IPO11: variants seen among roughly 807,000 people sequenced by gnomAD.
IPO11 encodes the protein importin 11, also known as importin-11.
In IPO11, 66 loss-of-function variants were observed where a neutral mutation model predicts 143.2. The observed-to-expected ratio is 0.46, with a 90% CI of 0.38 to 0.57. IPO11 has a LOEUF of 0.57. Among genes scored for constraint, IPO11 ranks in the 20% least tolerant of loss-of-function variants. IPO11 has a pLI of 0.00. For synonymous variants in IPO11, 385 were observed against 377.8 expected (o/e 1.02, Z -0.22); for missense variants, 1,026 against 1,141.0 (o/e 0.90, Z 1.45).
chr5:62,595,515 G>T (rs889699040), intron 28 of IPO11, among the ~76,000 whole-genome samples: 1 of 152,016 alleles, frequency 6.6e-6, no homozygotes, highest in South Asian at 2.1e-4. Flanking sequence ...ACAACATTCT[G>T]TGTGGAAAAA....
intron 1 of IPO11, among the ~76,000 whole-genome samples, 156 bp downstream of exon 1, chr5:62,413,085 A>G (rs978181629): frequency 6.6e-5 from 10 of 152,154 alleles, no homozygotes; most frequent in African/African-American, 2.4e-4. Context: ...CTGTTTGCGC[A>G]ACCTTAGGAA....
chr5:62,505,871 A>G (rs1316234085), intron 18 of IPO11, among the ~76,000 whole-genome samples: 1 of 152,076 alleles, frequency 6.6e-6, no homozygotes. Context: ...GCAAAACAAA[A>G]CATTTCGTGA....
chr5:62,438,475 G>A (rs1300021244), intron 2 of IPO11, among the ~76,000 whole-genome samples: 3 of 152,098 alleles, frequency 2.0e-5, no homozygotes, highest in Admixed American at 6.6e-5. Flanking sequence ...GAGTAGGGCC[G>A]GGTGCAGTGG....
chr5:62,499,230 C>T (rs1314216549), intron 16 of IPO11, among the ~76,000 whole-genome samples: 1 of 152,130 alleles, frequency 6.6e-6, no homozygotes, highest in Non-Finnish European at 1.5e-5. Flanking sequence ...GCTATCTCGG[C>T]TGTGGGTACA....
At chr5:62,515,675 T>C (rs1192235422) in intron 20 of IPO11, among the ~76,000 whole-genome samples, 174 bp downstream of exon 20, 2 of 152,218 alleles carry the variant, frequency 1.3e-5, no homozygotes, top group Non-Finnish European at 2.9e-5. Context: ...TTTTGCATGC[T>C]TATTTTGGAC....
At chr5:62,526,573 G>GT (rs1742376256) in intron 21 of IPO11, 2 of 231,086 alleles carry the variant, frequency 8.7e-6, no homozygotes, top group Admixed American at 5.2e-5. Context: ...TAAATGAGAT[G>GT]TTTGGGGGAT....
At chr5:62,421,668 G>A (rs2112097419) in intron 1 of IPO11, among the ~76,000 whole-genome samples, 1 of 152,248 alleles carries the variant, frequency 6.6e-6, no homozygotes, top group East Asian at 1.9e-4. Flanking sequence ...GAACTGATAT[G>A]GGTGGCTCCA....
intron 1 of IPO11, among the ~76,000 whole-genome samples, chr5:62,428,812 A>G (rs1743857691): frequency 6.6e-6 from 1 of 152,026 alleles, no homozygotes; most frequent in Admixed American, 6.6e-5. Context: ...GGTGTGTGCC[A>G]CTACTCCTGG....
intron 16 of IPO11, among the ~76,000 whole-genome samples, chr5:62,499,634 G>C (rs571458130): frequency 6.9e-5 from 10 of 144,112 alleles, no homozygotes. Context: ...GGAGTGCAGA[G>C]GCGCAATCTC....
chr5:62,447,396 GC>G (rs1744756819), intron 3 of IPO11, among the ~76,000 whole-genome samples: 2 of 152,100 alleles, frequency 1.3e-5, no homozygotes, highest in Non-Finnish European at 2.9e-5. Context: ...GTGAGCCAGT[GC>G]CCCCAGCCTA....
chr5:62,580,728 AATGATG>A, intron 27 of IPO11: 1 of 1,551,438 alleles, frequency 6.4e-7, no homozygotes, highest in Non-Finnish European at 8.7e-7. Context: ...CTACTGCGCT[AATGATG>A]GCCTGGCATA....
intron 27 of IPO11, among the ~76,000 whole-genome samples, chr5:62,586,717 C>T (rs1744785350): frequency 7.3e-6 from 1 of 137,686 alleles, no homozygotes; most frequent in African/African-American, 2.8e-5. Flanking sequence ...CGCCATTGCA[C>T]CCCAGCCTGG....
intron 20 of IPO11, among the ~76,000 whole-genome samples, chr5:62,521,942 A>G (rs1742215639): frequency 6.6e-6 from 1 of 152,124 alleles, no homozygotes; most frequent in Non-Finnish European, 1.5e-5. Flanking sequence ...TTTAATTACC[A>G]AAGATATTAA....
At chr5:62,483,381 AT>A in intron 10 of IPO11, 88 bp downstream of exon 10, 1 of 767,888 alleles carries the variant, frequency 1.3e-6, no homozygotes, top group Non-Finnish European at 2.0e-6. Flanking sequence ...AAAAAATGTC[AT>A]TTTAGTCTGA....
chr5:62,506,098 G>A (rs748284008), intron 18 of IPO11, 143 bp from the exon 19 acceptor site: 15 of 513,852 alleles, frequency 2.9e-5, no homozygotes, highest in Non-Finnish European at 5.3e-5. Flanking sequence ...ATTTCAGGTT[G>A]TTTAGGTAAT....
chr5:62,609,918 G>A (rs546835898), intron 29 of IPO11, among the ~76,000 whole-genome samples: 3 of 152,358 alleles, frequency 2.0e-5, no homozygotes, highest in Admixed American at 1.3e-4. Flanking sequence ...AGTCACATGT[G>A]TAGGTCTGCT....
Position 62,591,684 on chromosome 5 carries a change from A to G in IPO11, c.2678+12A>G. ...GGAACTTATAAAGAGTAGGTGCATT[A>G]TTTAATTAATCATAATTGGACTTGG... On this transcript the variant is annotated intron_variant, in intron 28 of 29. Transcript: ENST00000325324. The G allele has an allele frequency of 6.5e-7, 1 of 1,544,700 alleles. No homozygotes were observed. The highest frequency in any genetic ancestry group is 8.8e-7 in the Non-Finnish European group (1 of 1,132,244).
intron 16 of IPO11, among the ~76,000 whole-genome samples, chr5:62,500,161 T>C (rs530182989): frequency 6.6e-6 from 1 of 152,292 alleles, no homozygotes; most frequent in African/African-American, 2.4e-5. Flanking sequence ...GGCATGTGCC[T>C]ATAGTCCCAG....
intron 28 of IPO11, among the ~76,000 whole-genome samples, chr5:62,599,344 A>G (rs1189033213): frequency 1.3e-5 from 2 of 152,242 alleles, no homozygotes; most frequent in Non-Finnish European, 2.9e-5. Context: ...AGGTGCTAGA[A>G]TAAGGGCAAT....
Sources: gnomAD v4.1 joint callset for allele counts (sites outside exome capture counted in the v4.1 genomes callset) on GRCh38, gnomAD v4.1.1 for gene constraint, MANE v1.5 for transcripts, NCBI Gene and HGNC (gene_info 2026-07-23, HGNC 2026-07-21) for gene names.